Variants in IQCM observed in about 807,000 individuals in gnomAD.
The protein encoded by IQCM is IQ domain-containing protein M.
Under a neutral mutation model 57.6 loss-of-function variants are expected in IQCM, and 45 were observed. The ratio of observed to expected loss-of-function variants is 0.78; its 90% CI spans 0.62 to 1.00. The LOEUF is 1.00. Among genes scored for constraint, IQCM ranks in the 50% least tolerant of loss-of-function variants. The pLI is 0.00. For missense variants in IQCM, 468 were observed against 511.6 expected, an observed-to-expected ratio of 0.91 and a Z score of 0.82; for synonymous variants, 148 against 158.9, an observed-to-expected ratio of 0.93 and a Z score of 0.51.
intron 8 of IQCM, among the ~76,000 whole-genome samples, chr4:149,619,487 A>G (rs1038315247): frequency 2.6e-5 from 4 of 152,178 alleles, no homozygotes. Flanking sequence ...CAAACATAAT[A>G]AAAACATTAG....
chr4:149,774,208 T>C (rs906665028), intron 2 of IQCM, among the ~76,000 whole-genome samples: 6 of 152,040 alleles, frequency 3.9e-5, no homozygotes, highest in African/African-American at 1.4e-4. Context: ...TTTTTTATTG[T>C]GGTAAAAAAA....
chr4:149,471,319 A>T (rs1173540161), intron 12 of IQCM, among the ~76,000 whole-genome samples: 1 of 152,224 alleles, frequency 6.6e-6, no homozygotes, highest in East Asian at 1.9e-4. Flanking sequence ...ACCAATTACC[A>T]TCAGAGAATA....
At chr4:149,421,346 C>T (rs1734108672) in intron 13 of IQCM, among the ~76,000 whole-genome samples, 1 of 151,746 alleles carries the variant, frequency 6.6e-6, no homozygotes. Flanking sequence ...AAAAAGTGGG[C>T]CACACCACCA....
chr4:149,802,306 T>C (rs910476472), intron 2 of IQCM, among the ~76,000 whole-genome samples: 2 of 151,938 alleles, frequency 1.3e-5, no homozygotes, highest in Non-Finnish European at 2.9e-5. Context: ...GCATTTAAAA[T>C]GTGACAGCAG....
chr4:149,645,947 C>T (rs1758597173), intron 7 of IQCM, among the ~76,000 whole-genome samples: 1 of 152,176 alleles, frequency 6.6e-6, no homozygotes, highest in Non-Finnish European at 1.5e-5. Flanking sequence ...TGTGTACCTG[C>T]CCCTGGCTGA....
chr4:149,515,699 T>C (rs1429490703), intron 12 of IQCM, among the ~76,000 whole-genome samples: 1 of 152,210 alleles, frequency 6.6e-6, no homozygotes, highest in Non-Finnish European at 1.5e-5. Flanking sequence ...CACTTGGTTG[T>C]GCACTTTGCA....
At chr4:149,726,111 GA>G (rs1430239841) in intron 5 of IQCM, among the ~76,000 whole-genome samples, 2 of 147,014 alleles carry the variant, frequency 1.4e-5, no homozygotes, top group Non-Finnish European at 3.0e-5. Context: ...AAGAAAGAAA[GA>G]AAGAAAGAAA....
intron 5 of IQCM, among the ~76,000 whole-genome samples, chr4:149,698,950 C>T (rs1440210078): frequency 6.6e-6 from 1 of 151,884 alleles, no homozygotes; most frequent in African/African-American, 2.4e-5. Context: ...CATGCAAAGT[C>T]TTTAGCACAA....
intron 8 of IQCM, among the ~76,000 whole-genome samples, chr4:149,591,817 G>T (rs1263239065): frequency 6.6e-6 from 1 of 152,114 alleles, no homozygotes; most frequent in Non-Finnish European, 1.5e-5. Flanking sequence ...ATTCCATGGT[G>T]TATATGTGCC....
At chr4:149,615,522 C>A (rs1443146562) in intron 8 of IQCM, among the ~76,000 whole-genome samples, 2 of 152,072 alleles carry the variant, frequency 1.3e-5, no homozygotes, top group African/African-American at 4.8e-5. Flanking sequence ...AATTCTAATA[C>A]AATAAACATG....
chr4:149,779,000 A>G (rs1381475535), intron 2 of IQCM, among the ~76,000 whole-genome samples: 1 of 152,148 alleles, frequency 6.6e-6, no homozygotes, highest in African/African-American at 2.4e-5. Flanking sequence ...TTACTAATCC[A>G]GTAAAACCAG....
chr4:149,700,809 A>G (rs1763710751), intron 5 of IQCM, among the ~76,000 whole-genome samples: 1 of 152,026 alleles, frequency 6.6e-6, no homozygotes, highest in Non-Finnish European at 1.5e-5. Context: ...TAAATAAGCT[A>G]TAAACAACTT....
At chr4:149,529,512 C>A (rs552219113) in intron 12 of IQCM, among the ~76,000 whole-genome samples, 1 of 152,278 alleles carries the variant, frequency 6.6e-6, no homozygotes, top group East Asian at 1.9e-4. Flanking sequence ...TTGGCATTGA[C>A]CAACAGTGTT....
rs1487978600 is a variant in IQCM, at chr4:149,733,387, C to A, written c.242G>T (p.Arg81Leu). 2.4e-6 allele frequency: 3 copies of A among 1,231,612 alleles called. No homozygotes were observed. Among genetic ancestry groups the A allele is most frequent in the Non-Finnish European group, 2.0e-6 (2 of 987,762 alleles). The allele number at this position is 1,231,612 out of a possible 1,614,324, so 76.3% of individuals were successfully genotyped here. Residue 81 changes from arginine (R) to leucine (L), a missense_variant, in exon 5 of 14, where the codon CGG becomes CTG. Transcript: ENST00000636793. ...AAAGCAAATCCTTCTGAGTGCGGCCCGATGTTCTTGCACCACATCACGTGT... is the reference window on the plus strand; with the variant it reads ...AAAGCAAATCCTTCTGAGTGCGGCCAGATGTTCTTGCACCACATCACGTGT... ...KVTRDVVQEH[R>L]AALRRICFPK...
chr4:149,353,118 A>T (rs1456167923), intron 13 of IQCM, among the ~76,000 whole-genome samples: 1 of 152,162 alleles, frequency 6.6e-6, no homozygotes, highest in Non-Finnish European at 1.5e-5. Context: ...GGGCCACTTT[A>T]AAAAAGGACC....
At position 149,353,568 on chromosome 4, in the gene IQCM, T is replaced by C. The variant is rs541901813; in HGVS notation, c.1391-1502A>G. Among the ~76,000 whole-genome samples the C allele has an allele frequency of 2.6e-5, 4 of 152,272 alleles. No individual in the cohort carries two copies. In the South Asian group the frequency reaches 6.2e-4, roughly 24 times the overall value. On this transcript the variant is annotated intron_variant, in intron 13 of 13. Transcript: ENST00000636793. Reference sequence around the variant, plus strand: ...TCATTGGACAAATAGATTAAAGAACTGTAGCATATATATACAATGGAATAT... The same window carrying C: ...TCATTGGACAAATAGATTAAAGAACCGTAGCATATATATACAATGGAATAT...
chr4:149,359,893 T>C (rs1729351118), intron 13 of IQCM, among the ~76,000 whole-genome samples: 1 of 152,196 alleles, frequency 6.6e-6, no homozygotes, highest in Non-Finnish European at 1.5e-5. Context: ...ATTTAGGTCA[T>C]TGAGTATCTA....
chr4:149,544,948 G>A (rs1380905998), intron 12 of IQCM, among the ~76,000 whole-genome samples: 3 of 152,070 alleles, frequency 2.0e-5, no homozygotes, highest in Non-Finnish European at 4.4e-5. Context: ...ACTTCTAGAA[G>A]AAAACAGGGG....
At chr4:149,539,925 G>C (rs998125571) in intron 12 of IQCM, among the ~76,000 whole-genome samples, 1 of 152,052 alleles carries the variant, frequency 6.6e-6, no homozygotes, top group Non-Finnish European at 1.5e-5. Context: ...TGACTAATAA[G>C]TGCCAATAAG....
Sources: gnomAD v4.1 joint callset for allele counts (sites outside exome capture counted in the v4.1 genomes callset) on GRCh38, gnomAD v4.1.1 for gene constraint, MANE v1.5 for transcripts, NCBI Gene and HGNC (gene_info 2026-07-23, HGNC 2026-07-21) for gene names.